Variants in LRRC7 observed in about 807,000 individuals in gnomAD.
LRRC7 encodes leucine-rich repeat-containing protein 7.
A neutral mutation model predicts 175.7 loss-of-function variants in LRRC7; 23 were observed. That is an observed-to-expected ratio of 0.13 (90% CI 0.09 to 0.19). The LOEUF is 0.19. LRRC7 is among the 10% of genes least tolerant of loss of function. The pLI is 1.00. For synonymous variants in LRRC7, 685 were observed against 680.9 expected (o/e 1.01, Z -0.09); for missense variants, 1,354 against 1,904.7 (o/e 0.71, Z 5.38).
At chr1:69,856,087 A>G (rs957077177) in intron 7 of LRRC7, among the ~76,000 whole-genome samples, 3 of 152,162 alleles carry the variant, frequency 2.0e-5, no homozygotes, top group South Asian at 4.1e-4. Context: ...CCAATTTGCC[A>G]GTCTGTGTCT....
chr1:69,927,436 C>T (rs1446055881), intron 7 of LRRC7, among the ~76,000 whole-genome samples: 2 of 152,212 alleles, frequency 1.3e-5, no homozygotes, highest in African/African-American at 2.4e-5. Context: ...CCGTCACTTT[C>T]AGGTACACCA....
chr1:69,967,903 C>T (rs1053100877), intron 8 of LRRC7, among the ~76,000 whole-genome samples: 2 of 151,966 alleles, frequency 1.3e-5, no homozygotes, highest in East Asian at 3.9e-4. Context: ...TTTTTTAACA[C>T]CCCCAAAAAA....
intron 7 of LRRC7, among the ~76,000 whole-genome samples, chr1:69,854,463 A>G (rs577361476): frequency 6.2e-4 from 95 of 152,268 alleles, no homozygotes; most frequent in Non-Finnish European, 1.1e-3. Flanking sequence ...AAATTGTACC[A>G]TTGCACTCCA....
At chr1:69,778,569 T>G (rs759676504) in intron 3 of LRRC7, among the ~76,000 whole-genome samples, 1 of 152,250 alleles carries the variant, frequency 6.6e-6, no homozygotes, top group Non-Finnish European at 1.5e-5. Context: ...CTGGCAGAAG[T>G]GCATTGCTGA....
intron 7 of LRRC7, among the ~76,000 whole-genome samples, chr1:69,891,544 C>A (rs1645833238): frequency 1.3e-5 from 2 of 152,074 alleles, no homozygotes; most frequent in Non-Finnish European, 1.5e-5. Context: ...CCAGCCTAGC[C>A]AACATGGTGA....
intron 4 of LRRC7, among the ~76,000 whole-genome samples, chr1:69,816,198 G>A (rs57748216): frequency 0.12 from 17,563 of 151,794 alleles, 1,168 homozygotes; most frequent in Middle Eastern, 0.26. Context: ...GGCTAGTCTC[G>A]AACTCCTGAC....
chr1:69,807,205 G>C (rs1435561057), intron 4 of LRRC7, among the ~76,000 whole-genome samples: 2 of 151,904 alleles, frequency 1.3e-5, no homozygotes, highest in Non-Finnish European at 2.9e-5. Context: ...ACGTGAGATG[G>C]GTCTCCTGAA....
At chr1:70,061,813 G>T (rs181173958) in intron 23 of LRRC7, among the ~76,000 whole-genome samples, 20 of 152,124 alleles carry the variant, frequency 1.3e-4, no homozygotes, top group Admixed American at 7.9e-4. Flanking sequence ...TGGAGTTTTG[G>T]TATCTACTAG....
At chr1:69,663,766 C>G (rs1301315454) in intron 1 of LRRC7, among the ~76,000 whole-genome samples, 1 of 132,072 alleles carries the variant, frequency 7.6e-6, no homozygotes, top group Non-Finnish European at 1.5e-5. Context: ...CCAGGCCGGA[C>G]TGCCGACTGC....
At chr1:69,593,382 T>TA (rs1646715979) in intron 1 of LRRC7, among the ~76,000 whole-genome samples, 1 of 152,136 alleles carries the variant, frequency 6.6e-6, no homozygotes. Context: ...ATTGTTTTTA[T>TA]AGTTTTGCTT....
At chr1:70,063,026 G>GCATA (rs1277078825) in intron 23 of LRRC7, among the ~76,000 whole-genome samples, 1 of 152,020 alleles carries the variant, frequency 6.6e-6, no homozygotes, top group Non-Finnish European at 1.5e-5. Flanking sequence ...AACTCACAAA[G>GCATA]CATACCTTTA....
At chr1:69,702,938 A>G (rs1214492532) in intron 2 of LRRC7, among the ~76,000 whole-genome samples, 1 of 152,020 alleles carries the variant, frequency 6.6e-6, no homozygotes, top group Non-Finnish European at 1.5e-5. Flanking sequence ...CATTATTCAG[A>G]TGTGTTTTCC....
At chr1:69,594,472 G>A (rs992685225) in intron 1 of LRRC7, among the ~76,000 whole-genome samples, 21 of 152,064 alleles carry the variant, frequency 1.4e-4, no homozygotes, top group African/African-American at 5.1e-4. Context: ...CCCCTAGGAC[G>A]GCTCTTCTTT....
intron 2 of LRRC7, among the ~76,000 whole-genome samples, chr1:69,687,350 A>C (rs1000027752): frequency 6.6e-6 from 1 of 152,026 alleles, no homozygotes; most frequent in East Asian, 1.9e-4. Flanking sequence ...ATCTACAAAA[A>C]TACAAAAAAA....
intron 7 of LRRC7, among the ~76,000 whole-genome samples, chr1:69,880,791 C>A (rs573327084): frequency 6.6e-6 from 1 of 152,244 alleles, no homozygotes; most frequent in African/African-American, 2.4e-5. Flanking sequence ...TTTACAAAAA[C>A]TGCTTCTAGG....
chr1:69,799,541 C>A (rs1472264477), intron 4 of LRRC7, among the ~76,000 whole-genome samples: 1 of 152,074 alleles, frequency 6.6e-6, no homozygotes, highest in Non-Finnish European at 1.5e-5. Context: ...GACATGATTG[C>A]ATTCTTTTTT....
chr1:69,800,813 G>A (rs557381244), intron 4 of LRRC7, among the ~76,000 whole-genome samples: 1 of 151,774 alleles, frequency 6.6e-6, no homozygotes, highest in East Asian at 1.9e-4. Flanking sequence ...TTGTCTTTCA[G>A]TTTTTACAGG....
chr1:69,951,702 AC>A (rs1432492604), intron 8 of LRRC7, among the ~76,000 whole-genome samples: 3 of 152,108 alleles, frequency 2.0e-5, no homozygotes, highest in Non-Finnish European at 4.4e-5. Context: ...AAAACCAAAT[AC>A]CGCATGTTCT....
intron 18 of LRRC7, 64 bp from the exon 19 acceptor site, chr1:70,036,057 G>C (rs1659281592): frequency 1.6e-6 from 2 of 1,257,170 alleles, no homozygotes; most frequent in Admixed American, 4.6e-5. Context: ...TAAAGATACT[G>C]CCACTTTGGT....
Sources: allele counts gnomAD v4.1 joint callset (sites outside exome capture counted in the v4.1 genomes callset), GRCh38; gene constraint gnomAD v4.1.1; transcripts MANE v1.5; gene names NCBI Gene and HGNC (gene_info 2026-07-23, HGNC 2026-07-21).